Variants in GPSM2 observed in about 807,000 individuals in gnomAD.
GPSM2 encodes G protein signaling modulator 2.
GPSM2 carries 58 observed loss-of-function variants against 78.4 expected under a neutral mutation model. The ratio of observed to expected loss-of-function variants is 0.74; its 90% CI spans 0.60 to 0.92. GPSM2 has a LOEUF of 0.92. Ranked by LOEUF, GPSM2 falls within the 40% of genes least tolerant of loss-of-function variation. The probability of loss-of-function intolerance (pLI) is 0.00; values close to 1 mark genes in which losing one functional copy is unlikely to be tolerated. For synonymous variants in GPSM2, 224 were observed against 280.2 expected, an observed-to-expected ratio of 0.80 and a Z score of 2.00; for missense variants, 700 against 815.5, an observed-to-expected ratio of 0.86 and a Z score of 1.73.
At chr1:108,908,599 T>TG (rs977874758) in intron 10 of GPSM2, among the ~76,000 whole-genome samples, 10 of 150,576 alleles carry the variant, frequency 6.6e-5, no homozygotes, top group East Asian at 2.0e-4. Context: ...GGCGTGAACC[T>TG]GGGGGGCGGA....
rs1652406990 is a variant in GPSM2, at chr1:108,933,808, A to G, written c.*3868A>G. The G allele has an allele frequency of 6.6e-6, 1 of 152,228 alleles. No individual in the cohort carries two copies. The highest frequency in any genetic ancestry group is 6.5e-5 in the Admixed American group (1 of 15,276). The allele number at this position is 152,228 out of a possible 1,614,324, so 9.4% of individuals were successfully genotyped here. A position where few individuals can be genotyped will look rare whatever the true frequency, so the allele number is the denominator to read the frequency against. ...AAGACACCCAACTCTCTTCTTCCTCATCATGGTATTCTCTATGTATAGATC... is the reference window on the plus strand; with the variant it reads ...AAGACACCCAACTCTCTTCTTCCTCGTCATGGTATTCTCTATGTATAGATC... On this transcript the variant is annotated 3_prime_UTR_variant, in exon 15 of 15. Coordinates refer to ENST00000264126, the MANE Select transcript of GPSM2 (RefSeq NM_013296.5).
chr1:108,890,304 G>T (rs371883035), intron 2 of GPSM2, among the ~76,000 whole-genome samples: 1 of 152,200 alleles, frequency 6.6e-6, no homozygotes, highest in Non-Finnish European at 1.5e-5. Flanking sequence ...GAATATGAAC[G>T]TAATAAGATG....
At chr1:108,890,042 C>T (rs1343623001) in intron 2 of GPSM2, among the ~76,000 whole-genome samples, 2 of 152,168 alleles carry the variant, frequency 1.3e-5, no homozygotes, top group African/African-American at 4.8e-5. Flanking sequence ...CTCTAAGATA[C>T]AGCTCGGAGA....
chr1:108,908,254 G>A (rs996329529), intron 10 of GPSM2, among the ~76,000 whole-genome samples: 1 of 151,164 alleles, frequency 6.6e-6, no homozygotes, highest in Non-Finnish European at 1.5e-5. Context: ...GCCTGTAGTC[G>A]CAGCTACTCG....
intron 13 of GPSM2, among the ~76,000 whole-genome samples, chr1:108,922,836 A>T (rs866429297): frequency 1.3e-5 from 2 of 152,066 alleles, no homozygotes; most frequent in African/African-American, 4.8e-5. Flanking sequence ...TGTTGTGGAA[A>T]ATGTGACTGT....
intron 2 of GPSM2, among the ~76,000 whole-genome samples, chr1:108,888,948 A>G (rs575302172): frequency 2.0e-5 from 3 of 152,228 alleles, no homozygotes; most frequent in Non-Finnish European, 4.4e-5. Flanking sequence ...CCTACCCTTT[A>G]CATAAATTTC....
intron 14 of GPSM2, among the ~76,000 whole-genome samples, chr1:108,925,132 TTA>T: frequency 6.6e-6 from 1 of 152,180 alleles, no homozygotes; most frequent in African/African-American, 2.4e-5. Context: ...CAAGGATGAC[TTA>T]TACCTTGAAT....
chr1:108,886,538 G>C (rs1647563180), intron 2 of GPSM2, among the ~76,000 whole-genome samples: 1 of 152,242 alleles, frequency 6.6e-6, no homozygotes, highest in Non-Finnish European at 1.5e-5. Context: ...TCCCTTGGAT[G>C]CCCAAATGGA....
intron 13 of GPSM2, 124 bp from the exon 14 acceptor site, chr1:108,923,876 G>A (rs146473321): frequency 5.5e-6 from 4 of 723,604 alleles, no homozygotes; most frequent in Admixed American, 2.1e-5. Context: ...ATAGCAGGAG[G>A]GCAGGGCGGG....
intron 14 of GPSM2, among the ~76,000 whole-genome samples, chr1:108,929,053 G>A (rs925147519): frequency 1.3e-5 from 2 of 151,794 alleles, no homozygotes; most frequent in East Asian, 3.9e-4. Context: ...CTAAGACAGA[G>A]GCAGGCAAAC....
At chr1:108,909,968 T>A (rs1649588880) in intron 10 of GPSM2, 1 of 128,224 alleles carries the variant, frequency 7.8e-6, no homozygotes, top group East Asian at 2.3e-4. Flanking sequence ...GCTTAAAAAG[T>A]AAAACAAACA....
intron 2 of GPSM2, among the ~76,000 whole-genome samples, chr1:108,886,188 C>T (rs1647540377): frequency 6.6e-6 from 1 of 152,142 alleles, no homozygotes; most frequent in Admixed American, 6.5e-5. Context: ...TGCCACTGCA[C>T]CTGGCTTTTT....
rs989298038 is a variant in GPSM2, at chr1:108,932,200, G to A, written c.*2260G>A. The A allele has an allele frequency of 2.6e-5, 4 of 152,188 alleles. No individual in the cohort carries two copies. The highest frequency in any genetic ancestry group is 4.4e-5 in the Non-Finnish European group (3 of 68,062). 9.4% of individuals were successfully genotyped at this position (152,188 alleles called of 1,614,324 possible). On this transcript the variant is annotated 3_prime_UTR_variant, in exon 15 of 15. Transcript: ENST00000264126. ...GAGGCAGGAGAATCTCTTGAACCTG[G>A]GAGGTGGAGGTTGCAGTGAGCCGAG... is the stretch of plus-strand genomic sequence containing the variant.
intron 2 of GPSM2, among the ~76,000 whole-genome samples, chr1:108,894,690 T>C (rs1036958586): frequency 1.3e-5 from 2 of 151,802 alleles, no homozygotes; most frequent in African/African-American, 4.8e-5. Flanking sequence ...AGTGAGAGAC[T>C]GTGTCTCAAA....
chr1:108,917,293 C>T (rs1397799908), intron 11 of GPSM2, among the ~76,000 whole-genome samples: 1 of 151,890 alleles, frequency 6.6e-6, no homozygotes, highest in African/African-American at 2.4e-5. Context: ...CAAGGCCGGG[C>T]GCAGTGGCTC....
chr1:108,902,140 C>T (rs985988495), intron 8 of GPSM2, among the ~76,000 whole-genome samples, 195 bp downstream of exon 8: 3 of 151,836 alleles, frequency 2.0e-5, no homozygotes, highest in Non-Finnish European at 4.4e-5. Context: ...TTCCATATGC[C>T]CTTGACCCAA....
chr1:108,920,402 G>C (rs1314475311), intron 12 of GPSM2, among the ~76,000 whole-genome samples: 1 of 152,002 alleles, frequency 6.6e-6, no homozygotes, highest in Non-Finnish European at 1.5e-5. Flanking sequence ...CTGGGAGGTG[G>C]AGGTTGCAGC....
At position 108,897,087 on chromosome 1, in the gene GPSM2, T is replaced by A; in HGVS notation, c.278+2T>A. On this transcript the variant is annotated splice_donor_variant, in intron 3 of 14. Transcript: ENST00000264126. LOFTEE classifies it high-confidence loss of function. ...CCATCATGATTTAACCCTTGCAAGGTAATTAATTTAAGCTTTTAAATATTC... is the reference window on the plus strand; with the variant it reads ...CCATCATGATTTAACCCTTGCAAGGAAATTAATTTAAGCTTTTAAATATTC... The A allele has an allele frequency of 6.4e-7, 1 of 1,564,010 alleles. No homozygotes were observed.
intron 13 of GPSM2, 112 bp downstream of exon 13, chr1:108,922,688 T>G (rs892390392): frequency 3.3e-6 from 3 of 922,444 alleles, no homozygotes; most frequent in Non-Finnish European, 5.4e-6. Context: ...GAGCCTGAAT[T>G]CAGGTATATC....
Sources: allele counts gnomAD v4.1 joint callset (sites outside exome capture counted in the v4.1 genomes callset), GRCh38; gene constraint gnomAD v4.1.1; transcripts MANE v1.5; gene names NCBI Gene and HGNC (gene_info 2026-07-23, HGNC 2026-07-21).